NAV2: variants seen among roughly 807,000 people sequenced by gnomAD.
The protein encoded by NAV2 is helicase, APC down-regulated 1.
In NAV2, 54 loss-of-function variants were observed where a neutral mutation model predicts 223.2. That is an observed-to-expected ratio of 0.24 (90% CI 0.19 to 0.30). NAV2 has a LOEUF of 0.30. Ranked by LOEUF, NAV2 falls within the 10% of genes least tolerant of loss-of-function variation. NAV2 has a pLI of 1.00. For missense variants in NAV2, 2,806 were observed against 3,147.5 expected, an observed-to-expected ratio of 0.89 and a Z score of 2.60; for synonymous variants, 1,279 against 1,239.3, an observed-to-expected ratio of 1.03 and a Z score of -0.67.
In NAV2 at chr11:19,634,802, T is replaced by A. The variant is rs570529201; in HGVS notation, c.76-197682T>A. On this transcript the variant is annotated intron_variant, in intron 1 of 37. Transcript: ENST00000360655. ...CAGAGATGAGGCTCCTAACTCAGCCTAGGAAAACAAGATAGGCTTCCCAGA... is the reference window on the plus strand; with the variant it reads ...CAGAGATGAGGCTCCTAACTCAGCCAAGGAAAACAAGATAGGCTTCCCAGA... 3.0e-4 allele frequency among the ~76,000 whole-genome samples: 45 copies of A among 152,232 alleles called. No homozygotes were observed. In the South Asian group the frequency reaches 9.3e-3, roughly 32 times the overall value.
chr11:19,520,535 C>T (rs2043615469), intron 1 of NAV2, among the ~76,000 whole-genome samples: 1 of 152,208 alleles, frequency 6.6e-6, no homozygotes, highest in Non-Finnish European at 1.5e-5. Flanking sequence ...TGCCTGCTTT[C>T]CATTCAGTGA....
At chr11:19,375,359 C>T (rs56055218) in intron 1 of NAV2, among the ~76,000 whole-genome samples, 302 of 152,266 alleles carry the variant, frequency 2.0e-3, no homozygotes, top group Non-Finnish European at 3.3e-3. Context: ...GGGCACAGGC[C>T]GGGAAACAAG....
At chr11:20,115,245 G>C (rs1374695221) in intron 37 of NAV2, among the ~76,000 whole-genome samples, 4 of 152,116 alleles carry the variant, frequency 2.6e-5, no homozygotes, top group Non-Finnish European at 5.9e-5. Context: ...AGGGGAGGAG[G>C]CCTGAATATG....
chr11:19,468,469 C>A (rs1210707423), intron 1 of NAV2, among the ~76,000 whole-genome samples: 1 of 152,086 alleles, frequency 6.6e-6, no homozygotes, highest in Non-Finnish European at 1.5e-5. Flanking sequence ...CTGATCTCTG[C>A]CTCCATCTTC....
At chr11:19,660,317 G>A (rs1174050219) in intron 1 of NAV2, among the ~76,000 whole-genome samples, 1 of 152,170 alleles carries the variant, frequency 6.6e-6, no homozygotes, top group East Asian at 1.9e-4. Flanking sequence ...CCTTGATCTG[G>A]GAGCTCTTCA....
chr11:20,078,926 T>C (rs10741815), intron 24 of NAV2, among the ~76,000 whole-genome samples: 134,325 of 152,280 alleles, frequency 0.88, 59,351 homozygotes, highest in East Asian at 0.96. Context: ...AGGGCAGTGC[T>C]AAGTGTTTCA....
intron 10 of NAV2, among the ~76,000 whole-genome samples, chr11:19,968,259 G>T (rs564628545): frequency 1.3e-5 from 2 of 152,108 alleles, no homozygotes; most frequent in African/African-American, 2.4e-5. Context: ...GTGCAGTGGC[G>T]CAATCTCGGC....
rs1181732062 is a variant in NAV2, at chr11:19,994,241, T to C, written c.2768+9994T>C. Among the ~76,000 whole-genome samples the C allele has an allele frequency of 2.6e-5, 4 of 152,212 alleles. No homozygotes were observed. In the East Asian group the frequency reaches 7.7e-4, roughly 29 times the overall value. On this transcript the variant is annotated intron_variant, in intron 11 of 37. Transcript: ENST00000349880. Reference sequence around the variant, plus strand: ...TCGTTTTATTTCCCTAAGTATCTTTTGTCATGTTGAAAGGTCAGCCTAGGG... The same window carrying C: ...TCGTTTTATTTCCCTAAGTATCTTTCGTCATGTTGAAAGGTCAGCCTAGGG...
chr11:19,667,730 C>G (rs1402253352), intron 1 of NAV2, among the ~76,000 whole-genome samples: 1 of 152,158 alleles, frequency 6.6e-6, no homozygotes, highest in Non-Finnish European at 1.5e-5. Flanking sequence ...TTATAGACTT[C>G]TTTGCTATGA....
rs1591963173 is a variant in NAV2 at position 20,068,535 on chromosome 11, G to A, written c.4983+137G>A. 5 of 685,550 alleles carry A rather than the reference G, an allele frequency of 7.3e-6. No individual in the cohort carries two copies. The East Asian group carries it at 1.1e-4, about 15-fold the overall frequency. The allele number at this position is 685,550 out of a possible 1,614,324, so 42.5% of individuals were successfully genotyped here. A position where few individuals can be genotyped will look rare whatever the true frequency, so the allele number is the denominator to read the frequency against. The stretch of plus-strand genomic sequence containing the variant: ...AAAGACACAGGCTTTGGCATCATGG[G>A]TGTGAATGTCAGTTTGGACACTTAC... On this transcript the variant is annotated intron_variant, in intron 22 of 37. Transcript: ENST00000349880.
At chr11:19,703,212 A>G (rs145367057) in intron 1 of NAV2, among the ~76,000 whole-genome samples, 27 of 152,298 alleles carry the variant, frequency 1.8e-4, no homozygotes, top group African/African-American at 6.5e-4. Context: ...TTTTAGGCCA[A>G]CACATCCTTT....
At chr11:19,854,020 G>A (rs897529002) in intron 3 of NAV2, among the ~76,000 whole-genome samples, 3 of 152,210 alleles carry the variant, frequency 2.0e-5, no homozygotes, top group African/African-American at 7.2e-5. Flanking sequence ...ATGTGAGGCT[G>A]ACCGAGGTTG....
At chr11:19,974,024 T>C (rs575598894) in intron 10 of NAV2, among the ~76,000 whole-genome samples, 26 of 152,320 alleles carry the variant, frequency 1.7e-4, no homozygotes, top group South Asian at 1.2e-3. Flanking sequence ...GGAGGAAACA[T>C]TGGGGATCAG....
At position 19,713,557 on chromosome 11, in the gene NAV2, G is replaced by A. The variant is rs1316136517; in HGVS notation, c.-139G>A. On this transcript the variant is annotated 5_prime_UTR_variant, in exon 1 of 38. Transcript: ENST00000349880. This position sits in a 1 kb window ranked among gnomAD's most constrained non-coding sequence, Gnocchi z 7.2. ...ATTGCTTCGAGTTCCCCGACCTGGG[G>A]ATTTTTTTTTTAGCCGCTGGTGGTG... is the stretch of plus-strand genomic sequence containing the variant. The A allele has an allele frequency of 7.1e-7, 1 of 1,408,284 alleles. No homozygotes were observed. Among genetic ancestry groups the A allele is most frequent in the Non-Finnish European group, 9.2e-7 (1 of 1,082,332 alleles). The allele number at this position is 1,408,284 out of a possible 1,614,324, so 87.2% of individuals were successfully genotyped here. A position where few individuals can be genotyped will look rare whatever the true frequency, so the allele number is the denominator to read the frequency against.
intron 10 of NAV2, among the ~76,000 whole-genome samples, chr11:19,959,867 T>TC (rs879879209): frequency 1.3e-5 from 2 of 151,952 alleles, no homozygotes; most frequent in African/African-American, 4.8e-5. Context: ...TGCTCCTTCT[T>TC]CCCCCCCCAC....
At chr11:20,013,987 G>A (rs7939802) in intron 11 of NAV2, among the ~76,000 whole-genome samples, 2,663 of 152,318 alleles carry the variant, frequency 0.017, 68 homozygotes, top group African/African-American at 0.061. Flanking sequence ...GTTCTGTTCC[G>A]GTGTTCTCTC....
At chr11:20,030,873 C>T (rs2055654590) in intron 11 of NAV2, among the ~76,000 whole-genome samples, 2 of 152,154 alleles carry the variant, frequency 1.3e-5, no homozygotes, top group African/African-American at 4.8e-5. Context: ...TTGTCAGATC[C>T]TGTTATATGC....
chr11:20,044,898 C>T, intron 13 of NAV2, 70 bp from the exon 14 acceptor site: 2 of 1,291,214 alleles, frequency 1.5e-6, no homozygotes, highest in South Asian at 1.5e-5. Flanking sequence ...AGGAGGAGAG[C>T]ATCTTAAACA....
chr11:19,463,947 C>A (rs193203473), intron 1 of NAV2, among the ~76,000 whole-genome samples: 2 of 152,154 alleles, frequency 1.3e-5, no homozygotes, highest in African/African-American at 2.4e-5. Context: ...GTCTGCCATG[C>A]TGCACCCGGA....
Sources: gnomAD v4.1 joint callset for allele counts (sites outside exome capture counted in the v4.1 genomes callset) on GRCh38, gnomAD v4.1.1 for gene constraint, Gnocchi (gnomAD v3.1) non-coding constraint, MANE v1.5 for transcripts, NCBI Gene and HGNC (gene_info 2026-07-23, HGNC 2026-07-21) for gene names.